PPP2R2C: variants seen among roughly 807,000 people sequenced by gnomAD.
The protein encoded by PPP2R2C is protein phosphatase 2 regulatory subunit Bgamma.
A neutral mutation model predicts 45.3 loss-of-function variants in PPP2R2C; 10 were observed. That is an observed-to-expected ratio of 0.22 (90% CI 0.14 to 0.37). PPP2R2C has a LOEUF of 0.37. PPP2R2C is among the 10% of genes least tolerant of loss of function. The probability of loss-of-function intolerance (pLI) is 1.00; values close to 1 mark genes in which losing one functional copy is unlikely to be tolerated. For missense variants in PPP2R2C, 308 were observed against 619.7 expected (o/e 0.50, Z 5.34); for synonymous variants, 257 against 245.4 (o/e 1.05, Z -0.44).
At chr4:6,451,737 C>T (rs1720741951) in intron 1 of PPP2R2C, among the ~76,000 whole-genome samples, 1 of 152,118 alleles carries the variant, frequency 6.6e-6, no homozygotes, top group South Asian at 2.1e-4. Context: ...TCCTTCCACC[C>T]TCCTCCTCCC....
chr4:6,563,556 T>A lies in PPP2R2C; in HGVS notation c.-59+4A>T, dbSNP rs1435766377. The A allele has an allele frequency of 6.6e-6, 1 of 150,710 alleles. No individual in the cohort carries two copies. Among genetic ancestry groups the A allele is most frequent in the East Asian group, 2.0e-4 (1 of 4,944 alleles). 9.3% of individuals were successfully genotyped at this position (150,710 alleles called of 1,614,324 possible). A position where few individuals can be genotyped will look rare whatever the true frequency, so the allele number is the denominator to read the frequency against. On this transcript the variant is annotated splice_donor_region_variant and intron_variant, in intron 1 of 9. Transcript: ENST00000506140. This position sits in a 1 kb window ranked among gnomAD's most constrained non-coding sequence, Gnocchi z 5.8. ...GGGCCGGGCGCCCTGCAGCCCGCGCTTACCTTCGGAAACTTCGAGGTCGGC... is the reference window on the plus strand; with the variant it reads ...GGGCCGGGCGCCCTGCAGCCCGCGCATACCTTCGGAAACTTCGAGGTCGGC...
rs181010742 is a variant in PPP2R2C, at chr4:6,462,334, G to A, written c.70+9826C>T. 5.3e-5 allele frequency among the ~76,000 whole-genome samples: 8 copies of A among 152,276 alleles called. No individual in the cohort carries two copies. In the East Asian group the frequency reaches 1.5e-3, roughly 29 times the overall value. On this transcript the variant is annotated intron_variant, in intron 1 of 8. Coordinates refer to ENST00000382599, the MANE Select transcript of PPP2R2C (RefSeq NM_020416.4). ...TACTAAAAATACAAAAATTAGTCGG[G>A]CGTGGTGGTGGGCACCTGTATGTAG...
chr4:6,351,054 C>T (rs1387989975), intron 5 of PPP2R2C: 14 of 983,570 alleles, frequency 1.4e-5, no homozygotes, highest in Non-Finnish European at 1.6e-5. Flanking sequence ...CCTGTAATCC[C>T]AGCACTTTGG....
intron 1 of PPP2R2C, chr4:6,381,776 C>T (rs2109314800): frequency 6.2e-7 from 1 of 1,613,224 alleles, no homozygotes; most frequent in African/African-American, 1.3e-5. Context: ...CACCCCCATA[C>T]CTGGAGTCTT....
chr4:6,446,526 T>A (rs1448751965), intron 1 of PPP2R2C, among the ~76,000 whole-genome samples: 2 of 152,098 alleles, frequency 1.3e-5, no homozygotes, highest in African/African-American at 4.8e-5. Context: ...CTTCTCAAGG[T>A]GGCATAAAAA....
intron 5 of PPP2R2C, among the ~76,000 whole-genome samples, chr4:6,366,647 T>A (rs1367909925): frequency 6.6e-6 from 1 of 152,148 alleles, no homozygotes; most frequent in Admixed American, 6.5e-5. Flanking sequence ...TCAGAGGCTG[T>A]CCCAGATAAT....
intron 1 of PPP2R2C, among the ~76,000 whole-genome samples, chr4:6,461,851 G>A (rs1434349395): frequency 6.6e-6 from 1 of 152,238 alleles, no homozygotes; most frequent in African/African-American, 2.4e-5. Context: ...AGCACTGTGT[G>A]GGCAGGCGGT....
chr4:6,364,944 G>C lies in PPP2R2C; in HGVS notation c.625+7579C>G, dbSNP rs996427490. Among the ~76,000 whole-genome samples, 1 of 152,184 alleles carries C rather than the reference G, an allele frequency of 6.6e-6. No individual in the cohort carries two copies. The highest frequency in any genetic ancestry group is 1.5e-5 in the Non-Finnish European group (1 of 68,032). Reference sequence around the variant, plus strand: ...GACTATCTTTTTGCTCACCTAGAAAGTTCACCTGGATAGCATCAGGATCCC... The same window carrying C: ...GACTATCTTTTTGCTCACCTAGAAACTTCACCTGGATAGCATCAGGATCCC... On this transcript the variant is annotated intron_variant, in intron 5 of 8. Transcript: ENST00000382599. This position sits in a 1 kb window ranked among gnomAD's most constrained non-coding sequence, Gnocchi z 5.3.
intron 1 of PPP2R2C, among the ~76,000 whole-genome samples, chr4:6,438,620 T>G (rs937851255): frequency 2.6e-5 from 4 of 152,216 alleles, no homozygotes; most frequent in African/African-American, 9.6e-5. Context: ...TTTCTAAAAC[T>G]TAATATTTTT....
At chr4:6,461,504 T>G (rs1181949295) in intron 1 of PPP2R2C, among the ~76,000 whole-genome samples, 1 of 152,030 alleles carries the variant, frequency 6.6e-6, no homozygotes, top group Non-Finnish European at 1.5e-5. Context: ...TGGGCCAAAG[T>G]GTTTAAGGAG....
intron 1 of PPP2R2C, among the ~76,000 whole-genome samples, chr4:6,538,518 A>G (rs73086925): frequency 0.024 from 3,575 of 149,386 alleles, 117 homozygotes; most frequent in African/African-American, 0.081. Flanking sequence ...AACAAAATCA[A>G]TCCCCTGCTA....
chr4:6,326,589 G>A (rs1466376548), intron 8 of PPP2R2C, among the ~76,000 whole-genome samples: 7 of 152,294 alleles, frequency 4.6e-5, no homozygotes, highest in African/African-American at 7.2e-5. Context: ...GCACCCCTGC[G>A]CATACGAACT....
intron 6 of PPP2R2C, among the ~76,000 whole-genome samples, chr4:6,347,332 G>A (rs193249947): frequency 3.9e-4 from 60 of 152,180 alleles, no homozygotes; most frequent in African/African-American, 8.4e-4. Context: ...AGACCTCCAC[G>A]GATACCCCTG....
chr4:6,435,373 C>T lies in PPP2R2C; in HGVS notation c.70+36787G>A, dbSNP rs532181641. 1.0e-3 allele frequency among the ~76,000 whole-genome samples: 155 copies of T among 152,304 alleles called. 2 individuals carry two copies. The highest frequency in any genetic ancestry group is 3.4e-3 in the Middle Eastern group (1 of 294). On this transcript the variant is annotated intron_variant, in intron 1 of 8. Coordinates refer to ENST00000382599, the MANE Select transcript of PPP2R2C (RefSeq NM_020416.4). The stretch of plus-strand genomic sequence containing the variant: ...TCACTCTCTTCTGTCATGTTACCAC[C>T]TCTCCTGAGTTCTTGTATCTCAACT...
rs539239185 is a variant in PPP2R2C, at chr4:6,501,913, C to A, written c.49+33358G>T. Among the ~76,000 whole-genome samples, 50 of 152,274 alleles carry A rather than the reference C, an allele frequency of 3.3e-4. No homozygotes were observed. The South Asian group carries it at 3.9e-3, about 12-fold the overall frequency. On this transcript the variant is annotated intron_variant, in intron 2 of 9. Transcript: ENST00000506140. Reference sequence around the variant, plus strand: ...TTTGGTCCCAGAGCTCAGCAGAAAGCCCAGCACATAGCAGGTGCTTAGAAA... The same window carrying A: ...TTTGGTCCCAGAGCTCAGCAGAAAGACCAGCACATAGCAGGTGCTTAGAAA...
chr4:6,466,194 T>C (rs1407470043), intron 1 of PPP2R2C, among the ~76,000 whole-genome samples: 8 of 152,182 alleles, frequency 5.3e-5, no homozygotes, highest in Admixed American at 6.5e-5. Context: ...GAACACAGGG[T>C]AGCGTGCTGT....
At chr4:6,381,640 G>C in intron 1 of PPP2R2C, 1 of 1,497,570 alleles carries the variant, frequency 6.7e-7, no homozygotes, top group South Asian at 1.4e-5. Flanking sequence ...CTCCAGGCAG[G>C]CCTCTGGGAT....
intron 1 of PPP2R2C, among the ~76,000 whole-genome samples, chr4:6,543,198 G>C (rs1724862826): frequency 6.6e-6 from 1 of 152,196 alleles, no homozygotes. Context: ...CGCAGCCCCT[G>C]AGCTCCTCAC....
intron 6 of PPP2R2C, among the ~76,000 whole-genome samples, chr4:6,334,208 G>A (rs1393476754): frequency 6.6e-6 from 1 of 152,154 alleles, no homozygotes; most frequent in Non-Finnish European, 1.5e-5. Context: ...TCTGTTCATG[G>A]TGTCCTGGGC....
Sources: allele counts gnomAD v4.1 joint callset (sites outside exome capture counted in the v4.1 genomes callset), GRCh38; gene constraint gnomAD v4.1.1; non-coding constraint Gnocchi (gnomAD v3.1); transcripts MANE v1.5; gene names NCBI Gene and HGNC (gene_info 2026-07-23, HGNC 2026-07-21).